CCDC60: variants seen among roughly 807,000 people sequenced by gnomAD.
The protein encoded by CCDC60 is coiled-coil domain containing 60.
Under a neutral mutation model 63.5 loss-of-function variants are expected in CCDC60, and 54 were observed. The ratio of observed to expected loss-of-function variants is 0.85; its 90% CI spans 0.68 to 1.07. The LOEUF (loss-of-function observed/expected upper bound fraction) is 1.07, where lower values mean the gene tolerates loss of function less well. Ranked by LOEUF, CCDC60 falls within the 50% of genes least tolerant of loss-of-function variation. CCDC60 has a pLI of 0.00. For missense variants in CCDC60, 651 were observed against 684.3 expected (o/e 0.95, Z 0.54); for synonymous variants, 206 against 238.8 (o/e 0.86, Z 1.27).
At chr12:119,507,612 A>ATTTTTTT (rs1271195617) in intron 7 of CCDC60, among the ~76,000 whole-genome samples, 1 of 45,402 alleles carries the variant, frequency 2.2e-5, no homozygotes, top group African/African-American at 8.2e-5. Flanking sequence ...ATATATATAT[A>ATTTTTTT]TATTTTTTTT....
intron 8 of CCDC60, among the ~76,000 whole-genome samples, chr12:119,519,085 T>C (rs564147311): frequency 1.3e-5 from 2 of 152,172 alleles, no homozygotes; most frequent in Non-Finnish European, 2.9e-5. Context: ...TAGGAAAAGC[T>C]GGAAAAGCTG....
At chr12:119,527,687 T>TTA (rs1952721789) in intron 11 of CCDC60, among the ~76,000 whole-genome samples, 1 of 139,436 alleles carries the variant, frequency 7.2e-6, no homozygotes, top group African/African-American at 2.7e-5. Context: ...TTTTTTTTTT[T>TTA]TTTTATTGAG....
At chr12:119,527,880 A>C (rs1175401183) in intron 11 of CCDC60, among the ~76,000 whole-genome samples, 1 of 150,938 alleles carries the variant, frequency 6.6e-6, no homozygotes, top group Non-Finnish European at 1.5e-5. Flanking sequence ...ACGGGGTTTC[A>C]CCATGTTAGC....
chr12:119,527,370 G>C (rs897363529), intron 11 of CCDC60, among the ~76,000 whole-genome samples: 7 of 152,154 alleles, frequency 4.6e-5, no homozygotes, highest in Non-Finnish European at 1.0e-4. Flanking sequence ...CGTGACACAT[G>C]TTTATCTATG....
At chr12:119,499,653 C>G (rs1951800468) in intron 5 of CCDC60, among the ~76,000 whole-genome samples, 1 of 152,104 alleles carries the variant, frequency 6.6e-6, no homozygotes, top group African/African-American at 2.4e-5. Flanking sequence ...CTCAATCCCA[C>G]CCAGTAATAT....
At chr12:119,443,583 T>TAAA (rs1412806682) in intron 2 of CCDC60, among the ~76,000 whole-genome samples, 14 of 151,982 alleles carry the variant, frequency 9.2e-5, no homozygotes, top group Non-Finnish European at 1.9e-4. Context: ...ATAATAATAA[T>TAAA]AAAACAGCAG....
intron 2 of CCDC60, among the ~76,000 whole-genome samples, chr12:119,460,331 A>C (rs1270856658): frequency 6.6e-6 from 1 of 152,186 alleles, no homozygotes; most frequent in Admixed American, 6.5e-5. Context: ...TCTTAATACT[A>C]TATTTTATCA....
intron 2 of CCDC60, among the ~76,000 whole-genome samples, chr12:119,430,891 A>G (rs1468548940): frequency 1.3e-5 from 2 of 152,216 alleles, no homozygotes; most frequent in South Asian, 2.1e-4. Flanking sequence ...GAGACAATAC[A>G]TAAGAGTCAA....
At chr12:119,472,398 C>T (rs534807331) in intron 3 of CCDC60, among the ~76,000 whole-genome samples, 2 of 152,190 alleles carry the variant, frequency 1.3e-5, no homozygotes, top group East Asian at 1.9e-4. Context: ...CTGCTCTCTC[C>T]GAATACTTCC....
chr12:119,468,978 C>T (rs1040765248), intron 2 of CCDC60, among the ~76,000 whole-genome samples: 1 of 151,656 alleles, frequency 6.6e-6, no homozygotes, highest in African/African-American at 2.4e-5. Flanking sequence ...AGAAAAGCTC[C>T]TTTTTTACCT....
intron 1 of CCDC60, among the ~76,000 whole-genome samples, chr12:119,382,248 C>T (rs1029206277): frequency 6.6e-6 from 1 of 152,210 alleles, no homozygotes; most frequent in Non-Finnish European, 1.5e-5. Flanking sequence ...CAGTCTTTAG[C>T]GTTTTACCAT....
intron 3 of CCDC60, among the ~76,000 whole-genome samples, chr12:119,478,584 A>G (rs1455396076): frequency 1.4e-5 from 2 of 146,418 alleles, no homozygotes; most frequent in Admixed American, 6.9e-5. Flanking sequence ...TAGAGATTAT[A>G]TACTCCATAA....
chr12:119,488,768 C>G lies in CCDC60; in HGVS notation c.459C>G (p.Leu153=), dbSNP rs1175759890. ...CTCTCTGTCTTTGCAGCGAGCCCCTCTTCCGCCAGCTCTGTGCTCTCCACT... is the reference window on the plus strand; with the variant it reads ...CTCTCTGTCTTTGCAGCGAGCCCCTGTTCCGCCAGCTCTGTGCTCTCCACT... The part of the protein sequence containing the change: ...PSLTEAHVEP[L]FRQLCALHWL... The change falls in exon 5 of 14, where the codon CTC becomes CTG. Residue 153 remains leucine (L), a synonymous_variant. Transcript: ENST00000327554. The G allele has an allele frequency of 6.2e-7, 1 of 1,614,142 alleles. No homozygotes were observed. Among genetic ancestry groups the G allele is most frequent in the Admixed American group, 1.7e-5 (1 of 60,022 alleles).
Position 119,360,236 on chromosome 12 carries a change from C to A in CCDC60, c.90+24970C>A, listed in dbSNP as rs1181064195. ...GGGGCTCCTCACTTCCCAGTAGGGG[C>A]GGCCGGGCAGAGGCGCCCCTCACCT... On this transcript the variant is annotated intron_variant, in intron 1 of 13. Transcript: ENST00000327554. Among the ~76,000 whole-genome samples, 196 of 149,570 alleles carry A rather than the reference C, an allele frequency of 1.3e-3. 2 individuals carry two copies. Among genetic ancestry groups the A allele is most frequent in the African/African-American group, 4.7e-3 (191 of 40,442 alleles).
intron 7 of CCDC60, among the ~76,000 whole-genome samples, chr12:119,507,832 G>T (rs1334784904): frequency 1.3e-5 from 2 of 151,316 alleles, no homozygotes; most frequent in African/African-American, 2.4e-5. Context: ...TTGAGTACCT[G>T]CCCTTCCCAA....
At chr12:119,482,031 GTA>G (rs1173297310) in intron 4 of CCDC60, among the ~76,000 whole-genome samples, 7 of 136,850 alleles carry the variant, frequency 5.1e-5, no homozygotes, top group Admixed American at 3.6e-4. Context: ...ATATATGTGT[GTA>G]TATATATGTA....
chr12:119,417,177 G>T (rs1956716894), intron 1 of CCDC60, among the ~76,000 whole-genome samples: 1 of 151,960 alleles, frequency 6.6e-6, no homozygotes, highest in South Asian at 2.1e-4. Context: ...TAACTCAGTA[G>T]TGTTCTCAAT....
At chr12:119,455,033 A>G (rs12297453) in intron 2 of CCDC60, among the ~76,000 whole-genome samples, 33,566 of 152,170 alleles carry the variant, frequency 0.22, 3,720 homozygotes, top group Admixed American at 0.28. Flanking sequence ...ATTTTCCCAG[A>G]AGCCTCTTTA....
At chr12:119,385,862 C>T (rs1253155909) in intron 1 of CCDC60, among the ~76,000 whole-genome samples, 2 of 152,182 alleles carry the variant, frequency 1.3e-5, no homozygotes, top group East Asian at 1.9e-4. Context: ...TGTTGCTAGC[C>T]CCAGGGGACT....
Sources: gnomAD v4.1 joint callset for allele counts (sites outside exome capture counted in the v4.1 genomes callset) on GRCh38, gnomAD v4.1.1 for gene constraint, MANE v1.5 for transcripts, NCBI Gene and HGNC (gene_info 2026-07-23, HGNC 2026-07-21) for gene names.